The following ADGRL2 variants were observed in gnomAD, a reference collection of about 807,000 sequenced individuals.
The protein encoded by ADGRL2 is calcium-independent alpha-latrotoxin receptor 2.
Under a neutral mutation model 157.4 loss-of-function variants are expected in ADGRL2, and 44 were observed. The observed-to-expected ratio is 0.28, with a 90% CI of 0.22 to 0.36. The LOEUF (loss-of-function observed/expected upper bound fraction) is 0.36, where lower values mean the gene tolerates loss of function less well. Ranked by LOEUF, ADGRL2 falls within the 10% of genes least tolerant of loss-of-function variation. The probability of loss-of-function intolerance (pLI) is 1.00; values close to 1 mark genes in which losing one functional copy is unlikely to be tolerated. For missense variants in ADGRL2, 1,510 were observed against 1,768.9 expected, an observed-to-expected ratio of 0.85 and a Z score of 2.63; for synonymous variants, 585 against 624.7, an observed-to-expected ratio of 0.94 and a Z score of 0.95.
At chr1:81,533,142 G>T (rs1393248777) in intron 2 of ADGRL2, among the ~76,000 whole-genome samples, 2 of 152,156 alleles carry the variant, frequency 1.3e-5, no homozygotes, top group African/African-American at 4.8e-5. Context: ...ACTTTGGGAG[G>T]CCGAGGGGGG....
intron 3 of ADGRL2, among the ~76,000 whole-genome samples, chr1:81,659,222 C>T (rs1156735730): frequency 1.3e-5 from 2 of 151,746 alleles, no homozygotes; most frequent in Admixed American, 6.6e-5. Flanking sequence ...CCATCACGGC[C>T]GGCTGATTTT....
At chr1:81,370,345 T>C (rs201121505) in intron 1 of ADGRL2, among the ~76,000 whole-genome samples, 1 of 152,138 alleles carries the variant, frequency 6.6e-6, no homozygotes, top group Admixed American at 6.6e-5. Flanking sequence ...GTTGGAGATA[T>C]TTTTTTCCTG....
intron 1 of ADGRL2, among the ~76,000 whole-genome samples, chr1:81,732,349 G>C (rs2084755065): frequency 6.6e-6 from 1 of 152,144 alleles, no homozygotes. Context: ...AAAAGCTTGA[G>C]AGAACTACAT....
At chr1:81,536,301 G>A (rs982595569) in intron 2 of ADGRL2, among the ~76,000 whole-genome samples, 1 of 151,668 alleles carries the variant, frequency 6.6e-6, no homozygotes. Context: ...TATTTTACTG[G>A]TTTTTTTTAA....
intron 2 of ADGRL2, among the ~76,000 whole-genome samples, chr1:81,481,728 G>GT (rs1557723044): frequency 1.5e-5 from 1 of 67,758 alleles, no homozygotes; most frequent in Non-Finnish European, 4.5e-5. Flanking sequence ...GTATAGGCTG[G>GT]TTTTCAAAGA....
chr1:81,526,798 A>G (rs2148210688), intron 2 of ADGRL2, among the ~76,000 whole-genome samples: 1 of 152,348 alleles, frequency 6.6e-6, no homozygotes, highest in South Asian at 2.1e-4. Context: ...CCATATTTGG[A>G]AACTGTAAAT....
intron 1 of ADGRL2, among the ~76,000 whole-genome samples, chr1:81,726,571 C>T (rs1369149423): frequency 6.6e-6 from 1 of 152,136 alleles, no homozygotes; most frequent in Admixed American, 6.5e-5. Flanking sequence ...ACTTATATTA[C>T]ATGGATTGAG....
chr1:81,901,407 G>A (rs1288357894), intron 2 of ADGRL2, among the ~76,000 whole-genome samples: 2 of 151,980 alleles, frequency 1.3e-5, no homozygotes, highest in Non-Finnish European at 2.9e-5. Flanking sequence ...TTAATATTTT[G>A]TTGTACAAAT....
chr1:81,832,015 T>C (rs968800498), intron 1 of ADGRL2, among the ~76,000 whole-genome samples: 1 of 152,172 alleles, frequency 6.6e-6, no homozygotes, highest in African/African-American at 2.4e-5. Context: ...TTGGTAAGGA[T>C]TAGTGATATG....
At chr1:81,426,517 C>A (rs56833351) in intron 1 of ADGRL2, 5 of 412,122 alleles carry the variant, frequency 1.2e-5, no homozygotes, top group Non-Finnish European at 2.4e-5. Context: ...CCGTCACCGC[C>A]GGGAGCAGAG....
chr1:81,840,854 T>C (rs1244107515), intron 2 of ADGRL2, among the ~76,000 whole-genome samples: 1 of 152,178 alleles, frequency 6.6e-6, no homozygotes, highest in Admixed American at 6.6e-5. Context: ...AGAACTAATC[T>C]CAGATTCTTG....
chr1:81,958,680 G>A (rs1187464046), intron 11 of ADGRL2, among the ~76,000 whole-genome samples: 1 of 152,142 alleles, frequency 6.6e-6, no homozygotes, highest in Non-Finnish European at 1.5e-5. Context: ...TGTTTTAAGT[G>A]TATAGTTTGA....
chr1:81,840,435 A>C (rs556494493), intron 2 of ADGRL2, among the ~76,000 whole-genome samples: 12 of 152,146 alleles, frequency 7.9e-5, no homozygotes, highest in Non-Finnish European at 1.6e-4. Flanking sequence ...ACATCGGTAC[A>C]TAATGAGACA....
chr1:81,921,450 T>TCA (rs1414033762), intron 3 of ADGRL2, among the ~76,000 whole-genome samples: 1 of 152,220 alleles, frequency 6.6e-6, no homozygotes, highest in Admixed American at 6.5e-5. Context: ...ACTGCAGTGA[T>TCA]AAGGCTGTTT....
At chr1:81,692,164 TG>T (rs1446124066) in intron 3 of ADGRL2, among the ~76,000 whole-genome samples, 1 of 151,922 alleles carries the variant, frequency 6.6e-6, no homozygotes, top group Non-Finnish European at 1.5e-5. Context: ...CCTAGCACTT[TG>T]GGAGGCCAAG....
intron 2 of ADGRL2, among the ~76,000 whole-genome samples, chr1:81,579,804 A>G (rs2080870435): frequency 6.6e-6 from 1 of 152,198 alleles, no homozygotes. Flanking sequence ...GATCTTTAAA[A>G]AAAAGTATTT....
At chr1:81,874,225 T>G (rs2151070800) in intron 2 of ADGRL2, among the ~76,000 whole-genome samples, 1 of 152,294 alleles carries the variant, frequency 6.6e-6, no homozygotes, top group Non-Finnish European at 1.5e-5. Flanking sequence ...CATGTAGCTT[T>G]AAGCCCTTCT....
intron 3 of ADGRL2, among the ~76,000 whole-genome samples, chr1:81,927,790 T>G (rs945998600): frequency 3.9e-5 from 6 of 151,998 alleles, no homozygotes; most frequent in Admixed American, 2.6e-4. Context: ...CCGTTTAGCT[T>G]CCTAATGTTA....
intron 2 of ADGRL2, among the ~76,000 whole-genome samples, chr1:81,849,467 A>G (rs557788807): frequency 6.6e-6 from 1 of 152,032 alleles, no homozygotes; most frequent in East Asian, 1.9e-4. Flanking sequence ...GTAGATTTCA[A>G]TTATAGTATC....
Sources: gnomAD v4.1 joint callset for allele counts (sites outside exome capture counted in the v4.1 genomes callset) on GRCh38, gnomAD v4.1.1 for gene constraint, MANE v1.5 for transcripts, NCBI Gene and HGNC (gene_info 2026-07-23, HGNC 2026-07-21) for gene names.